SLCO1A2: variants seen among roughly 807,000 people sequenced by gnomAD.
The protein encoded by SLCO1A2 is solute carrier organic anion transporter family member 1A2, also known as OATP-1.
In SLCO1A2, 67 loss-of-function variants were observed where a neutral mutation model predicts 69.0. The ratio of observed to expected loss-of-function variants is 0.97; its 90% CI spans 0.80 to 1.19. The LOEUF (loss-of-function observed/expected upper bound fraction) is 1.19, where lower values mean the gene tolerates loss of function less well. Ranked by LOEUF, SLCO1A2 falls within the 50% of genes most tolerant of loss-of-function variation. SLCO1A2 has a pLI of 0.00. For synonymous variants in SLCO1A2, 260 were observed against 265.9 expected, an observed-to-expected ratio of 0.98 and a Z score of 0.22; for missense variants, 787 against 793.7, an observed-to-expected ratio of 0.99 and a Z score of 0.10.
At chr12:21,384,348 T>C (rs1386880472) in intron 1 of SLCO1A2, among the ~76,000 whole-genome samples, 1 of 152,198 alleles carries the variant, frequency 6.6e-6, no homozygotes, top group Non-Finnish European at 1.5e-5. Context: ...ATACCTTCCC[T>C]GCTCCAATAA....
chr12:21,359,946 A>C (rs1450743661), intron 2 of SLCO1A2, among the ~76,000 whole-genome samples: 1 of 152,214 alleles, frequency 6.6e-6, no homozygotes, highest in Non-Finnish European at 1.5e-5. Flanking sequence ...ACAATGAAAC[A>C]CTACTCCACA....
chr12:21,401,302 C>A (rs1028328751), intron 1 of SLCO1A2, among the ~76,000 whole-genome samples: 1 of 151,672 alleles, frequency 6.6e-6, no homozygotes, highest in South Asian at 2.1e-4. Context: ...AAAGGCTTTT[C>A]TTTATGCTGG....
chr12:21,373,410 T>C (rs758292552), intron 2 of SLCO1A2: 2 of 1,612,992 alleles, frequency 1.2e-6, no homozygotes, highest in Non-Finnish European at 1.7e-6. Flanking sequence ...TTGAACCATC[T>C]GAAAGCTACA....
intron 2 of SLCO1A2, among the ~76,000 whole-genome samples, chr12:21,328,742 CCCCA>C (rs143459704): frequency 0.048 from 7,344 of 152,076 alleles, 572 homozygotes; most frequent in African/African-American, 0.16. Flanking sequence ...GAGGGATTTC[CCCCA>C]CCCAGTTTCC....
chr12:21,266,917 C>A lies in SLCO1A2; in HGVS notation c.*2631G>T, dbSNP rs1355107144. ...AAACCACTATTTCTAGTTTCATTAA[C>A]TTTATGTATTAAGTAAGATCCCCAC... On this transcript the variant is annotated 3_prime_UTR_variant, in exon 15 of 15. Transcript: ENST00000683939. 1 of 151,972 alleles carries A rather than the reference C, an allele frequency of 6.6e-6. No homozygotes were observed. Among genetic ancestry groups the A allele is most frequent in the African/African-American group, 2.4e-5 (1 of 41,384 alleles). 9.4% of individuals were successfully genotyped at this position (151,972 alleles called of 1,614,324 possible).
chr12:21,313,743 G>T (rs1183907010), intron 4 of SLCO1A2, among the ~76,000 whole-genome samples: 1 of 151,530 alleles, frequency 6.6e-6, no homozygotes, highest in Non-Finnish European at 1.5e-5. Flanking sequence ...GGCCGAGGCG[G>T]GCGGGTCACG....
At chr12:21,310,854 TG>T (rs1284151020) in intron 4 of SLCO1A2, among the ~76,000 whole-genome samples, 1 of 152,180 alleles carries the variant, frequency 6.6e-6, no homozygotes, top group African/African-American at 2.4e-5. Context: ...CCGCCCGCCT[TG>T]GCCTTTCAAA....
chr12:21,279,415 C>A (rs1015584426), intron 12 of SLCO1A2, among the ~76,000 whole-genome samples: 4 of 151,948 alleles, frequency 2.6e-5, no homozygotes, highest in African/African-American at 9.7e-5. Flanking sequence ...TTCAATAAAC[C>A]CCGCAAGGTC....
Position 21,404,263 on chromosome 12 carries a change from A to T in SLCO1A2, c.-312+13619T>A, listed in dbSNP as rs544909996. Among the ~76,000 whole-genome samples, 15 of 152,284 alleles carry T rather than the reference A, an allele frequency of 9.9e-5. No individual in the cohort carries two copies. In the South Asian group the frequency reaches 3.1e-3, roughly 32 times the overall value. On this transcript the variant is annotated intron_variant, in intron 1 of 4. Transcript: ENST00000413682. ...TTTATTTTATTTTCTATTCCAGGAT[A>T]CATGTGCAGGGCATGCAGGTTTGTT...
chr12:21,337,512 G>A (rs1268650824), upstream of SLCO1A2, among the ~76,000 whole-genome samples: 1 of 151,364 alleles, frequency 6.6e-6, no homozygotes, highest in East Asian at 1.9e-4. Context: ...GAAGACTTAG[G>A]AGATCATCCT....
chr12:21,418,538 T>C (rs115622556), upstream of SLCO1A2, among the ~76,000 whole-genome samples: 811 of 152,274 alleles, frequency 5.3e-3, 5 homozygotes, highest in African/African-American at 0.018. Context: ...AAAAGGCATG[T>C]CTTAGATTGC....
chr12:21,301,119 T>G, intron 7 of SLCO1A2, 52 bp downstream of exon 7: 36 of 1,118,444 alleles, frequency 3.2e-5, no homozygotes, highest in Non-Finnish European at 4.2e-5. Context: ...ATAACATACC[T>G]GAGATGCTTT....
chr12:21,375,133 G>A (rs1209142295), intron 1 of SLCO1A2, among the ~76,000 whole-genome samples: 1 of 152,080 alleles, frequency 6.6e-6, no homozygotes, highest in East Asian at 1.9e-4. Flanking sequence ...TGTTTTTATA[G>A]ATGTTTGTTT....
At chr12:21,323,172 T>C (rs933060813) in intron 2 of SLCO1A2, among the ~76,000 whole-genome samples, 1 of 152,242 alleles carries the variant, frequency 6.6e-6, no homozygotes, top group South Asian at 2.1e-4. Flanking sequence ...CTTTAACTTC[T>C]ATGCATTGAG....
intron 5 of SLCO1A2, among the ~76,000 whole-genome samples, chr12:21,305,145 T>C (rs959282114): frequency 1.3e-5 from 2 of 152,242 alleles, no homozygotes; most frequent in African/African-American, 2.4e-5. Context: ...GCATGTTGTA[T>C]ACTGTAACCA....
chr12:21,278,580 G>T (rs1944286070), intron 12 of SLCO1A2, among the ~76,000 whole-genome samples: 1 of 152,152 alleles, frequency 6.6e-6, no homozygotes, highest in African/African-American at 2.4e-5. Flanking sequence ...AAAAGAACAA[G>T]AATCTCTGCC....
Position 21,299,888 on chromosome 12 carries a change from G to A in SLCO1A2, c.910+460C>T, listed in dbSNP as rs941200487. Among the ~76,000 whole-genome samples, 178 of 48,162 alleles carry A rather than the reference G, an allele frequency of 3.7e-3. 1 individual carries two copies. Among genetic ancestry groups the A allele is most frequent in the East Asian group, 0.022 (1 of 46 alleles). 31.6% of individuals were successfully genotyped at this position (48,162 alleles called of 152,430 possible). On this transcript the variant is annotated intron_variant, in intron 8 of 14. Coordinates refer to ENST00000683939, the MANE Select transcript of SLCO1A2 (RefSeq NM_001386879.1). ...TATACGTGTGTGTATATATATATAC[G>A]TGTATATATATATATACGTGTGTGT...
At chr12:21,311,671 C>CTGTTT (rs1950166774) in intron 4 of SLCO1A2, 1 of 151,862 alleles carries the variant, frequency 6.6e-6, no homozygotes, top group African/African-American at 2.4e-5. Context: ...CAAAAGAAGG[C>CTGTTT]TGTTTCCACT....
intron 2 of SLCO1A2, among the ~76,000 whole-genome samples, chr12:21,366,807 G>T (rs1285357091): frequency 6.6e-6 from 1 of 151,390 alleles, no homozygotes; most frequent in Non-Finnish European, 1.5e-5. Context: ...TGGAAAAGTT[G>T]GTAGATTAGG....
Sources: gnomAD v4.1 joint callset for allele counts (sites outside exome capture counted in the v4.1 genomes callset) on GRCh38, gnomAD v4.1.1 for gene constraint, MANE v1.5 for transcripts, NCBI Gene and HGNC (gene_info 2026-07-23, HGNC 2026-07-21) for gene names.